Variants in MAML3 observed in about 807,000 individuals in gnomAD.
The protein encoded by MAML3 is mastermind like transcriptional coactivator 3.
MAML3 carries 27 observed loss-of-function variants against 101.9 expected under a neutral mutation model. The ratio of observed to expected loss-of-function variants is 0.27; its 90% CI spans 0.20 to 0.37. The LOEUF is 0.37. Among genes scored for constraint, MAML3 ranks in the 10% least tolerant of loss-of-function variants. The pLI, the probability that MAML3 is intolerant of heterozygous loss-of-function variation, is 1.00. For synonymous variants in MAML3, 501 were observed against 555.9 expected, an observed-to-expected ratio of 0.90 and a Z score of 1.39; for missense variants, 1,316 against 1,444.9, an observed-to-expected ratio of 0.91 and a Z score of 1.45.
chr4:139,794,999 A>T (rs1730486095), intron 2 of MAML3, among the ~76,000 whole-genome samples: 1 of 152,180 alleles, frequency 6.6e-6, no homozygotes, highest in African/African-American at 2.4e-5. Flanking sequence ...CAATATAGTT[A>T]TCTCTGCTTA....
chr4:139,890,058 A>T lies in MAML3; in HGVS notation c.1378T>A (p.Ser460Thr), dbSNP rs934135407. 5 of 1,609,240 alleles carry T rather than the reference A, an allele frequency of 3.1e-6. No individual in the cohort carries two copies. Among genetic ancestry groups the T allele is most frequent in the Non-Finnish European group, 8.5e-7 (1 of 1,177,682 alleles). ...SASGPVAVPSSDMSPAEQLKQ... is the reference protein window; with the variant it reads ...SASGPVAVPSTDMSPAEQLKQ... The stretch of plus-strand genomic sequence containing the variant: ...AGCTGTTCTGCTGGAGACATGTCAG[A>T]GCTGGGCACAGCCACAGGCCCTGAC... Residue 460 changes from serine to threonine, a missense_variant, in exon 2 of 5, where the codon TCT becomes ACT. Ser to Thr is a moderately conservative substitution (Grantham distance 58). Transcript: ENST00000509479. The surrounding 1 kb of genome is among the most constrained non-coding windows in gnomAD (Gnocchi z 4.1).
chr4:139,755,002 C>G (rs929335367), intron 2 of MAML3, among the ~76,000 whole-genome samples: 6 of 152,182 alleles, frequency 3.9e-5, no homozygotes, highest in Non-Finnish European at 8.8e-5. Context: ...TTCGGCGTGG[C>G]GAATGCCTGA....
At chr4:140,076,258 C>G (rs545942603) in intron 1 of MAML3, among the ~76,000 whole-genome samples, 247 of 152,216 alleles carry the variant, frequency 1.6e-3, no homozygotes, top group African/African-American at 5.7e-3. Flanking sequence ...CTGTGAAGAT[C>G]AAATAAGATA....
At chr4:139,725,078 G>C (rs895860694) in intron 4 of MAML3, among the ~76,000 whole-genome samples, 6 of 152,174 alleles carry the variant, frequency 3.9e-5, no homozygotes, top group African/African-American at 1.4e-4. Flanking sequence ...CTCTATTAGA[G>C]ATGGAAGGGT....
At chr4:140,073,660 A>G (rs1342664682) in intron 1 of MAML3, among the ~76,000 whole-genome samples, 1 of 152,200 alleles carries the variant, frequency 6.6e-6, no homozygotes, top group Non-Finnish European at 1.5e-5. Flanking sequence ...TATGTGAGTC[A>G]AGCAACATTC....
In MAML3 at chr4:139,728,309, C is replaced by G. The variant is rs1466098668; in HGVS notation, c.2331+2107G>C. ...AATCTGCACCCTCCTCAGGTACAGG[C>G]AAGACGCTCCACTGACCTGGCTGGG... On this transcript the variant is annotated intron_variant, in intron 3 of 4. Coordinates refer to ENST00000509479, the MANE Select transcript of MAML3 (RefSeq NM_018717.5). 7.9e-5 allele frequency among the ~76,000 whole-genome samples: 12 copies of G among 152,304 alleles called. No individual in the cohort carries two copies. The East Asian group carries it at 2.3e-3, about 29-fold the overall frequency.
At position 139,890,802 on chromosome 4, in the gene MAML3, G is replaced by A; in HGVS notation, c.634C>T (p.Leu212=). ...TGGTGAAGAGGAGAAGCTGAAGGCA[G>A]TGGCATGTTACTGGGCAAATTGTTG... ...AINNLPSNMP[L]PSASPLHQLD... is the part of the protein sequence containing the mutation. Residue 212 remains leucine (L), a synonymous_variant, in exon 2 of 5, where the codon CTG becomes TTG. Coordinates refer to ENST00000509479, the MANE Select transcript of MAML3 (RefSeq NM_018717.5). This position sits in a 1 kb window ranked among gnomAD's most constrained non-coding sequence, Gnocchi z 4.1. 1 of 1,614,058 alleles carries A rather than the reference G, an allele frequency of 6.2e-7. No homozygotes were observed.
intron 2 of MAML3, among the ~76,000 whole-genome samples, chr4:139,809,139 G>A (rs969878472): frequency 6.6e-6 from 1 of 152,200 alleles, no homozygotes; most frequent in Admixed American, 6.5e-5. Context: ...TTATCAGGGA[G>A]CTTGGGATTA....
chr4:139,871,795 AC>A lies in MAML3; in HGVS notation c.2079+17561del, dbSNP rs142616856. ...AACAGTCCATTAAAAATAAGGTAAA[AC>A]AATGCACAGTGCTGACGTCTTTTTA... On this transcript the variant is annotated intron_variant, in intron 2 of 4. Transcript: ENST00000509479. Among the ~76,000 whole-genome samples the A allele has an allele frequency of 6.2e-4, 94 of 152,270 alleles. No individual in the cohort carries two copies. In the East Asian group the frequency reaches 0.014, roughly 22 times the overall value.
At chr4:139,743,300 T>C (rs1729221699) in intron 2 of MAML3, among the ~76,000 whole-genome samples, 1 of 152,234 alleles carries the variant, frequency 6.6e-6, no homozygotes, top group Non-Finnish European at 1.5e-5. Flanking sequence ...CAGGGAGATC[T>C]AACCTGCTGT....
At chr4:139,963,287 C>A (rs972589327) in intron 1 of MAML3, among the ~76,000 whole-genome samples, 1 of 152,166 alleles carries the variant, frequency 6.6e-6, no homozygotes, top group Non-Finnish European at 1.5e-5. Context: ...AACAAACACA[C>A]AGACAAATCT....
intron 1 of MAML3, among the ~76,000 whole-genome samples, chr4:140,005,981 G>C (rs1726435959): frequency 6.6e-6 from 1 of 152,172 alleles, no homozygotes; most frequent in Non-Finnish European, 1.5e-5. Context: ...ACATAGGTCA[G>C]TTTTAAAGCA....
chr4:139,742,293 C>T (rs1023384984), intron 2 of MAML3, among the ~76,000 whole-genome samples: 10 of 152,074 alleles, frequency 6.6e-5, no homozygotes, highest in Admixed American at 3.3e-4. Context: ...GGATTACAGG[C>T]GTGTGCCACC....
At chr4:139,849,296 AG>A (rs1731507533) in intron 2 of MAML3, among the ~76,000 whole-genome samples, 5 of 152,240 alleles carry the variant, frequency 3.3e-5, no homozygotes, top group Non-Finnish European at 7.3e-5. Flanking sequence ...TTAGGATTCT[AG>A]GGGTTCTCTG....
At chr4:139,888,499 G>A (rs1560825384) in intron 2 of MAML3, 3 of 518,494 alleles carry the variant, frequency 5.8e-6, no homozygotes, top group Non-Finnish European at 1.2e-5. Flanking sequence ...CTTCAGGGTA[G>A]AACAAATGTT....
intron 2 of MAML3, among the ~76,000 whole-genome samples, chr4:139,807,801 C>T (rs1161655854): frequency 1.3e-5 from 2 of 152,200 alleles, no homozygotes; most frequent in Non-Finnish European, 2.9e-5. Flanking sequence ...CTTGACAAAG[C>T]TAATAGCCCA....
intron 1 of MAML3, among the ~76,000 whole-genome samples, chr4:140,112,746 C>T (rs577881026): frequency 5.3e-5 from 8 of 152,200 alleles, no homozygotes; most frequent in Non-Finnish European, 1.2e-4. Flanking sequence ...GGTTACTTCC[C>T]TGCTTGTGCC....
intron 1 of MAML3, among the ~76,000 whole-genome samples, chr4:140,151,967 G>C (rs947948964): frequency 6.6e-6 from 1 of 152,226 alleles, no homozygotes. Flanking sequence ...GCGGGGCAGG[G>C]GGCGCCAAGC....
chr4:139,877,186 T>C (rs978019735), intron 2 of MAML3, among the ~76,000 whole-genome samples: 24 of 152,228 alleles, frequency 1.6e-4, no homozygotes, highest in Middle Eastern at 3.2e-3. Context: ...TGACAATGTA[T>C]TGGAAATCTA....
Sources: allele counts gnomAD v4.1 joint callset (sites outside exome capture counted in the v4.1 genomes callset), GRCh38; gene constraint gnomAD v4.1.1; non-coding constraint Gnocchi (gnomAD v3.1); transcripts MANE v1.5; gene names NCBI Gene and HGNC (gene_info 2026-07-23, HGNC 2026-07-21).